Variants in SLC36A1 observed in about 807,000 individuals in gnomAD.
SLC36A1 encodes the protein solute carrier family 36 member 1.
In SLC36A1, 30 loss-of-function variants were observed where a neutral mutation model predicts 47.5. That is an observed-to-expected ratio of 0.63 (90% CI 0.47 to 0.86). SLC36A1 has a LOEUF of 0.86. SLC36A1 is among the 40% of genes least tolerant of loss of function. The pLI is 0.00. For missense variants in SLC36A1, 517 were observed against 606.0 expected (o/e 0.85, Z 1.54); for synonymous variants, 255 against 249.7 (o/e 1.02, Z -0.20).
At chr5:151,440,592 G>A (rs890215253) in intron 1 of SLC36A1, among the ~76,000 whole-genome samples, 1 of 150,472 alleles carries the variant, frequency 6.6e-6, no homozygotes, top group Non-Finnish European at 1.5e-5. Context: ...AAAAAAAAAG[G>A]AAGTTACATT....
chr5:151,427,688 G>T, the SLC36A1 span, among the ~76,000 whole-genome samples: 1 of 152,138 alleles, frequency 6.6e-6, no homozygotes, highest in South Asian at 2.1e-4. Flanking sequence ...TGTCACTGGG[G>T]CGAGGGGGAG....
At chr5:151,469,386 G>C in intron 7 of SLC36A1, 1 of 601,564 alleles carries the variant, frequency 1.7e-6, no homozygotes, top group South Asian at 2.1e-5. Context: ...ATGCCTTAGT[G>C]AGCCTTCCAG....
the SLC36A1 span, among the ~76,000 whole-genome samples, chr5:151,408,029 G>T: frequency 6.6e-6 from 1 of 152,182 alleles, no homozygotes; most frequent in Non-Finnish European, 1.5e-5. Flanking sequence ...ACAAAGCAGG[G>T]ATTATTATCT....
At chr5:151,545,877 A>G in the SLC36A1 span, 16 of 1,614,212 alleles carry the variant, frequency 9.9e-6, no homozygotes, top group Non-Finnish European at 1.4e-5. Flanking sequence ...TGTCATTTTC[A>G]TCAATTATGT....
At chr5:151,438,219 C>T (rs535216934) in intron 1 of SLC36A1, among the ~76,000 whole-genome samples, 3 of 152,278 alleles carry the variant, frequency 2.0e-5, no homozygotes, top group South Asian at 2.1e-4. Flanking sequence ...ACTGTGTGCC[C>T]GTTGTTCTGG....
the SLC36A1 span, chr5:151,512,058 G>A: frequency 2.8e-6 from 3 of 1,054,540 alleles, no homozygotes; most frequent in Admixed American, 2.7e-5. This position sits in a 1 kb window ranked among gnomAD's most constrained non-coding sequence, Gnocchi z 4.1. Flanking sequence ...GGAAGAGAGA[G>A]AAATTTGGAA....
the SLC36A1 span, among the ~76,000 whole-genome samples, chr5:151,517,988 T>C: frequency 1.3e-5 from 2 of 152,150 alleles, no homozygotes; most frequent in Admixed American, 1.3e-4. Flanking sequence ...CAGGGACCCC[T>C]GCCTTAGGTC....
the SLC36A1 span, chr5:151,551,696 C>A: frequency 7.1e-7 from 1 of 1,406,932 alleles, no homozygotes. Context: ...GCTCAGAGGA[C>A]ACGGTGGTAA....
chr5:151,453,532 C>T (rs1422348759), intron 1 of SLC36A1, among the ~76,000 whole-genome samples: 1 of 151,990 alleles, frequency 6.6e-6, no homozygotes, highest in Non-Finnish European at 1.5e-5. Context: ...ATCTATTGAT[C>T]TTAATCCTCC....
At chr5:151,446,547 G>A (rs546394959), upstream of SLC36A1, among the ~76,000 whole-genome samples, 71 of 152,162 alleles carry the variant, frequency 4.7e-4, no homozygotes, top group South Asian at 3.1e-3. Flanking sequence ...AAAAAAAAGC[G>A]TGTTGTTTAA....
upstream of SLC36A1, among the ~76,000 whole-genome samples, chr5:151,432,837 C>T (rs1408496365): frequency 1.3e-5 from 2 of 152,080 alleles, no homozygotes; most frequent in Non-Finnish European, 2.9e-5. Context: ...AGCCTGAGCC[C>T]TTAGTTCTAT....
At chr5:151,484,115 C>G (rs1327044301) in intron 10 of SLC36A1, among the ~76,000 whole-genome samples, 1 of 152,182 alleles carries the variant, frequency 6.6e-6, no homozygotes, top group Non-Finnish European at 1.5e-5. Flanking sequence ...CCACTTAACT[C>G]CCACCACAGA....
intron 4 of SLC36A1, 21 bp downstream of exon 4, chr5:151,464,623 C>A (rs763038743): frequency 6.2e-7 from 1 of 1,605,134 alleles, no homozygotes; most frequent in East Asian, 2.2e-5. Flanking sequence ...TCTGAGCCAC[C>A]TCTCAAGTGA....
chr5:151,368,520 A>G, the SLC36A1 span, among the ~76,000 whole-genome samples: 1 of 152,340 alleles, frequency 6.6e-6, no homozygotes, highest in Non-Finnish European at 1.5e-5. Context: ...ATACCCAAGA[A>G]AAAGTATCTG....
At chr5:151,394,767 C>T in the SLC36A1 span, among the ~76,000 whole-genome samples, 64,059 of 152,060 alleles carry the variant, frequency 0.42, 13,831 homozygotes, top group African/African-American at 0.52. Flanking sequence ...CTGGAAGCTT[C>T]GTCTCAGAGG....
intron 1 of SLC36A1, chr5:151,437,301 CTT>C (rs1328695479): frequency 6.6e-6 from 1 of 152,188 alleles, no homozygotes; most frequent in African/African-American, 2.4e-5. Flanking sequence ...CTAACACAAT[CTT>C]ACTTTAACAA....
In SLC36A1 at chr5:151,467,969, A is replaced by T. The variant is rs535012062; in HGVS notation, c.723+44A>T. ...TCCTATCATCTTGGTTCAATATTTTAAAAAAGCCAGGCGTGGTAGCTCATG... is the reference window on the plus strand; with the variant it reads ...TCCTATCATCTTGGTTCAATATTTTTAAAAAGCCAGGCGTGGTAGCTCATG... On this transcript the variant is annotated intron_variant, in intron 7 of 10. Coordinates refer to ENST00000243389, the MANE Select transcript of SLC36A1 (RefSeq NM_078483.4). The T allele has an allele frequency of 8.5e-5, 133 of 1,569,428 alleles. No individual in the cohort carries two copies. The African/African-American group carries it at 1.5e-3, about 18-fold the overall frequency.
the SLC36A1 span, among the ~76,000 whole-genome samples, chr5:151,379,664 C>T: frequency 1.1e-4 from 17 of 152,304 alleles, no homozygotes; most frequent in East Asian, 3.1e-3. Flanking sequence ...CAGGGACCTG[C>T]TTGCCCTCTC....
chr5:151,356,149 G>A, the SLC36A1 span, among the ~76,000 whole-genome samples: 1 of 151,650 alleles, frequency 6.6e-6, no homozygotes, highest in African/African-American at 2.4e-5. Flanking sequence ...GCCCAGTCTG[G>A]TCAACATGGA....
Sources: allele counts gnomAD v4.1 joint callset (sites outside exome capture counted in the v4.1 genomes callset), GRCh38; gene constraint gnomAD v4.1.1; non-coding constraint Gnocchi (gnomAD v3.1); transcripts MANE v1.5; gene names NCBI Gene and HGNC (gene_info 2026-07-23, HGNC 2026-07-21).